SCHIP1: variants seen among roughly 807,000 people sequenced by gnomAD.
The protein encoded by SCHIP1 is schwannomin interacting protein 1.
Under a neutral mutation model 29.7 loss-of-function variants are expected in SCHIP1, and 8 were observed. The ratio of observed to expected loss-of-function variants is 0.27; its 90% confidence interval spans 0.16 to 0.49. The LOEUF is 0.49. Ranked by LOEUF, SCHIP1 falls within the 20% of genes least tolerant of loss-of-function variation. The pLI is 0.99. For missense variants in SCHIP1, 193 were observed against 294.6 expected (o/e 0.66, Z 2.52); for synonymous variants, 76 against 94.9 (o/e 0.80, Z 1.16).
At chr3:159,297,618 G>T in the SCHIP1 span, among the ~76,000 whole-genome samples, 1 of 152,032 alleles carries the variant, frequency 6.6e-6, no homozygotes, top group Non-Finnish European at 1.5e-5. Context: ...TTAAAAAAAA[G>T]ATATGCAGAC....
intron 4 of SCHIP1, 162 bp downstream of exon 5, chr3:159,888,067 T>C: frequency 9.8e-7 from 1 of 1,021,740 alleles, no homozygotes; most frequent in Non-Finnish European, 1.4e-6. Context: ...TTTTCCTTCC[T>C]ACTGTAGGAC....
the SCHIP1 span, among the ~76,000 whole-genome samples, chr3:159,441,246 A>C: frequency 3.9e-5 from 6 of 152,114 alleles, no homozygotes; most frequent in Non-Finnish European, 8.8e-5. Context: ...TACAGGTTAC[A>C]TGTTTCATTT....
chr3:159,312,017 A>C, the SCHIP1 span, among the ~76,000 whole-genome samples: 2 of 152,206 alleles, frequency 1.3e-5, no homozygotes, highest in African/African-American at 4.8e-5. Flanking sequence ...CATAGCCTAG[A>C]CAACACAACA....
chr3:159,539,198 A>G, the SCHIP1 span, among the ~76,000 whole-genome samples: 27,398 of 151,988 alleles, frequency 0.18, 2,664 homozygotes, highest in South Asian at 0.35. Context: ...CTCTAAAGAG[A>G]TCTTTTTTTG....
chr3:159,401,084 G>C, the SCHIP1 span: 51 of 549,740 alleles, frequency 9.3e-5, no homozygotes, highest in African/African-American at 9.7e-4. Context: ...AGTGATAATA[G>C]CACATCCTAC....
At chr3:159,779,176 G>A in the SCHIP1 span, among the ~76,000 whole-genome samples, 1 of 152,278 alleles carries the variant, frequency 6.6e-6, no homozygotes, top group South Asian at 2.1e-4. Flanking sequence ...ATGCCACTCA[G>A]GATGTGAAAG....
the SCHIP1 span, among the ~76,000 whole-genome samples, chr3:159,471,243 A>G: frequency 1.3e-5 from 2 of 152,188 alleles, no homozygotes; most frequent in African/African-American, 4.8e-5. Flanking sequence ...AAAGAAATAA[A>G]GCAGTGGCTT....
At chr3:159,719,147 T>C in the SCHIP1 span, among the ~76,000 whole-genome samples, 1 of 152,136 alleles carries the variant, frequency 6.6e-6, no homozygotes, top group Non-Finnish European at 1.5e-5. Flanking sequence ...ATTCCCTATT[T>C]AATAAATGGT....
chr3:159,824,675 G>A, the SCHIP1 span, among the ~76,000 whole-genome samples: 1 of 152,196 alleles, frequency 6.6e-6, no homozygotes, highest in East Asian at 1.9e-4. Flanking sequence ...TTTAATGTGG[G>A]AATCACAGTA....
At chr3:159,581,014 G>T in the SCHIP1 span, among the ~76,000 whole-genome samples, 1 of 152,094 alleles carries the variant, frequency 6.6e-6, no homozygotes, top group Non-Finnish European at 1.5e-5. Context: ...ACCTGTCTTG[G>T]TGTATGCCTC....
the SCHIP1 span, among the ~76,000 whole-genome samples, chr3:159,393,878 G>A: frequency 3.2e-4 from 48 of 152,250 alleles, no homozygotes; most frequent in African/African-American, 1.1e-3. Flanking sequence ...GATGGGGATG[G>A]CATTGAATCT....
the SCHIP1 span, among the ~76,000 whole-genome samples, chr3:159,782,471 A>G: frequency 6.6e-6 from 1 of 152,238 alleles, no homozygotes; most frequent in Non-Finnish European, 1.5e-5. Context: ...CTTGGTATGT[A>G]ATACCCTCTT....
chr3:159,435,245 G>A, the SCHIP1 span, among the ~76,000 whole-genome samples: 67 of 152,108 alleles, frequency 4.4e-4, no homozygotes, highest in Non-Finnish European at 7.6e-4. Context: ...GTGATATTCC[G>A]TGTAATTTGC....
At chr3:159,873,492 T>C (rs148009123) in intron 2 of SCHIP1, among the ~76,000 whole-genome samples, 1 of 152,346 alleles carries the variant, frequency 6.6e-6, no homozygotes, top group African/African-American at 2.4e-5. Flanking sequence ...TTTTTCTAGA[T>C]GTTGCTATCT....
chr3:159,823,419 T>A, the SCHIP1 span, among the ~76,000 whole-genome samples: 1 of 152,206 alleles, frequency 6.6e-6, no homozygotes, highest in Non-Finnish European at 1.5e-5. Flanking sequence ...GAAGCAGTTA[T>A]GCTTAAACTC....
chr3:159,797,507 A>T, the SCHIP1 span, among the ~76,000 whole-genome samples: 1 of 152,208 alleles, frequency 6.6e-6, no homozygotes, highest in Non-Finnish European at 1.5e-5. Context: ...ACAAATGTAA[A>T]TCTAATGATT....
At chr3:159,707,383 G>A in the SCHIP1 span, among the ~76,000 whole-genome samples, 43 of 152,206 alleles carry the variant, frequency 2.8e-4, no homozygotes, top group South Asian at 6.2e-4. Flanking sequence ...GTTCTTATCC[G>A]CAAAATTAGA....
At chr3:159,662,919 CT>C in the SCHIP1 span, among the ~76,000 whole-genome samples, 1 of 152,186 alleles carries the variant, frequency 6.6e-6, no homozygotes, top group Non-Finnish European at 1.5e-5. Context: ...AGAATGTTCA[CT>C]TTTCATTGAA....
At chr3:159,481,544 C>A in the SCHIP1 span, among the ~76,000 whole-genome samples, 1 of 152,058 alleles carries the variant, frequency 6.6e-6, no homozygotes, top group Non-Finnish European at 1.5e-5. Flanking sequence ...TGGGAAATTC[C>A]AATTTTACTA....
Sources: gnomAD v4.1 joint callset for allele counts (sites outside exome capture counted in the v4.1 genomes callset) on GRCh38, gnomAD v4.1.1 for gene constraint, MANE v1.5 for transcripts, NCBI Gene and HGNC (gene_info 2026-07-23, HGNC 2026-07-21) for gene names.